S100Z: variants seen among roughly 807,000 people sequenced by gnomAD.
S100Z encodes protein S100-Z.
In S100Z, 11 loss-of-function variants were observed where a neutral mutation model predicts 8.5. The observed-to-expected ratio is 1.30, with a 90% CI of 0.82 to 2.15. The LOEUF is 2.15. Ranked by LOEUF, S100Z falls within the 30% of genes most tolerant of loss-of-function variation. The probability of loss-of-function intolerance (pLI) is 0.00; values close to 1 mark genes in which losing one functional copy is unlikely to be tolerated. For missense variants in S100Z, 126 were observed against 117.9 expected, an observed-to-expected ratio of 1.07 and a Z score of -0.32; for synonymous variants, 34 against 43.8, an observed-to-expected ratio of 0.78 and a Z score of 0.89.
the S100Z span, among the ~76,000 whole-genome samples, chr5:76,951,548 T>C: frequency 6.6e-6 from 1 of 152,172 alleles, no homozygotes; most frequent in Non-Finnish European, 1.5e-5. Context: ...GCATGCCTGG[T>C]GAGTGGGCCT....
Position 76,876,651 on chromosome 5 carries a change from G to A in S100Z, c.142-1023G>A, listed in dbSNP as rs373440504. 1.2e-4 allele frequency among the ~76,000 whole-genome samples: 19 copies of A among 152,258 alleles called. No individual in the cohort carries two copies. The East Asian group carries it at 3.3e-3, about 26-fold the overall frequency. ...CTCCCAAAGTGCTGAGATTACAGGC[G>A]TGAGCCACTGTGTGGGGCCAACTTT... On this transcript the variant is annotated intron_variant, in intron 3 of 4. Coordinates refer to ENST00000317593, the MANE Select transcript of S100Z (RefSeq NM_130772.4).
At chr5:76,903,234 T>C (rs1744298593) in intron 4 of S100Z, among the ~76,000 whole-genome samples, 1 of 152,194 alleles carries the variant, frequency 6.6e-6, no homozygotes, top group Non-Finnish European at 1.5e-5. Flanking sequence ...CATCACCAGA[T>C]ACTTCTGTCT....
intron 4 of S100Z, among the ~76,000 whole-genome samples, chr5:76,892,594 G>A (rs1743901085): frequency 6.6e-6 from 1 of 152,030 alleles, no homozygotes; most frequent in Non-Finnish European, 1.5e-5. Flanking sequence ...TTTTTCCAAA[G>A]AGGGTTTGGG....
chr5:76,944,930 G>C, the S100Z span, among the ~76,000 whole-genome samples: 1 of 152,166 alleles, frequency 6.6e-6, no homozygotes, highest in South Asian at 2.1e-4. Context: ...GTTAGTCATG[G>C]CATATTTTAG....
chr5:76,897,440 C>A (rs1051420364), intron 4 of S100Z, among the ~76,000 whole-genome samples: 11 of 148,984 alleles, frequency 7.4e-5, no homozygotes, highest in Admixed American at 2.0e-4. Flanking sequence ...GAGACTCTGT[C>A]TCAAAAAAAA....
intron 4 of S100Z, among the ~76,000 whole-genome samples, chr5:76,895,927 T>G (rs1454773966): frequency 2.0e-5 from 3 of 151,916 alleles, no homozygotes; most frequent in Non-Finnish European, 4.4e-5. Flanking sequence ...CACGCCTGGC[T>G]AATTTTTGTA....
At chr5:76,875,721 T>C (rs533127243) in intron 3 of S100Z, among the ~76,000 whole-genome samples, 1 of 152,318 alleles carries the variant, frequency 6.6e-6, no homozygotes, top group East Asian at 1.9e-4. Context: ...GGTTTCTAAG[T>C]GGTAAAAATT....
intron 1 of S100Z, among the ~76,000 whole-genome samples, chr5:76,861,874 A>G (rs1369437607): frequency 1.3e-5 from 2 of 152,194 alleles, no homozygotes; most frequent in African/African-American, 2.4e-5. Context: ...CAGAGAAAGA[A>G]TCTTCTTAGC....
intron 4 of S100Z, among the ~76,000 whole-genome samples, chr5:76,916,957 C>G (rs1433837117): frequency 6.6e-6 from 1 of 151,912 alleles, no homozygotes; most frequent in East Asian, 1.9e-4. Flanking sequence ...TAAACCCCAT[C>G]TCTACTAAAA....
chr5:76,886,607 A>G (rs914558299), intron 4 of S100Z, among the ~76,000 whole-genome samples: 1 of 152,172 alleles, frequency 6.6e-6, no homozygotes, highest in African/African-American at 2.4e-5. Flanking sequence ...TGTCCGTGTG[A>G]AGAGACCACC....
chr5:76,883,862 A>G (rs553072502), intron 4 of S100Z, among the ~76,000 whole-genome samples: 1 of 152,300 alleles, frequency 6.6e-6, no homozygotes, highest in African/African-American at 2.4e-5. Flanking sequence ...CTCCTGGGGA[A>G]GGAGTTTCTG....
chr5:76,895,306 C>T (rs555149254), intron 4 of S100Z, among the ~76,000 whole-genome samples: 38 of 152,262 alleles, frequency 2.5e-4, no homozygotes, highest in African/African-American at 8.4e-4. Flanking sequence ...GGAAAGAGAG[C>T]AACTTATAAT....
Position 76,864,386 on chromosome 5 carries a change from A to ATTTT in S100Z, c.-175-5750_-175-5747dup, listed in dbSNP as rs56206322. ...TATGTTACTGCTTAATGCATACTAT[A>ATTTT]TTTTTTTTTTTTTTTTTTTTTTTTT... On this transcript the variant is annotated intron_variant, in intron 1 of 4. Coordinates refer to ENST00000317593, the MANE Select transcript of S100Z (RefSeq NM_130772.4). Among the ~76,000 whole-genome samples, 153 of 72,180 alleles carry ATTTT rather than the reference A, an allele frequency of 2.1e-3. 14 individuals carry two copies. The highest frequency in any genetic ancestry group is 2.3e-3 in the African/African-American group (47 of 20,032). 47.4% of individuals were successfully genotyped at this position (72,180 alleles called of 152,430 possible). A position where few individuals can be genotyped will look rare whatever the true frequency, so the allele number is the denominator to read the frequency against.
At chr5:76,860,034 C>T (rs987245788) in intron 1 of S100Z, among the ~76,000 whole-genome samples, 14 of 152,080 alleles carry the variant, frequency 9.2e-5, no homozygotes, top group African/African-American at 3.4e-4. Flanking sequence ...AGAAATCAGT[C>T]TTGAATGAGG....
chr5:76,939,517 C>CTTT, the S100Z span, among the ~76,000 whole-genome samples: 1 of 139,928 alleles, frequency 7.1e-6, no homozygotes. Flanking sequence ...TGGTGTTTAA[C>CTTT]TTTTTTTTTT....
At chr5:76,851,482 G>A (rs1750728220) in intron 1 of S100Z, among the ~76,000 whole-genome samples, 1 of 152,128 alleles carries the variant, frequency 6.6e-6, no homozygotes, top group Admixed American at 6.5e-5. Context: ...CAGAGAGTGA[G>A]GAGATACAAC....
intron 4 of S100Z, among the ~76,000 whole-genome samples, chr5:76,889,715 A>G (rs1423790807): frequency 6.6e-6 from 1 of 152,276 alleles, no homozygotes; most frequent in Non-Finnish European, 1.5e-5. Flanking sequence ...GCTCTTTTCC[A>G]GTAAAGGAGA....
chr5:76,906,223 T>A (rs983614266), intron 4 of S100Z, among the ~76,000 whole-genome samples: 1 of 152,260 alleles, frequency 6.6e-6, no homozygotes, highest in African/African-American at 2.4e-5. Flanking sequence ...TTTTGGTGTA[T>A]GTATCCATTG....
chr5:76,906,974 GTGTATATATA>G (rs1744455943), intron 4 of S100Z, among the ~76,000 whole-genome samples: 1 of 114,716 alleles, frequency 8.7e-6, no homozygotes, highest in African/African-American at 5.4e-5. Context: ...CATTGTGTGT[GTGTATATATA>G]TATATATATA....
Sources: gnomAD v4.1 joint callset for allele counts (sites outside exome capture counted in the v4.1 genomes callset) on GRCh38, gnomAD v4.1.1 for gene constraint, MANE v1.5 for transcripts, NCBI Gene and HGNC (gene_info 2026-07-23, HGNC 2026-07-21) for gene names.